LUZP2: variants seen among roughly 807,000 people sequenced by gnomAD.
LUZP2 encodes the protein leucine zipper protein 2.
LUZP2 carries 52 observed loss-of-function variants against 51.6 expected under a neutral mutation model. The ratio of observed to expected loss-of-function variants is 1.01; its 90% CI spans 0.81 to 1.27. The LOEUF is 1.27. LUZP2 is among the 50% of genes most tolerant of loss of function. The pLI is 0.00. For synonymous variants in LUZP2, 154 were observed against 137.3 expected (o/e 1.12, Z -0.85); for missense variants, 436 against 395.4 (o/e 1.10, Z -0.87).
In LUZP2 at chr11:24,742,452, A is replaced by C. The variant is rs1052145550; in HGVS notation, c.333+4150A>C. On this transcript the variant is annotated intron_variant, in intron 4 of 11. Coordinates refer to ENST00000336930, the MANE Select transcript of LUZP2 (RefSeq NM_001009909.4). ...TTGATTTGCATTTCCCTGATCATTA[A>C]TGATATTGAGCATTTTTTCATATGT... Among the ~76,000 whole-genome samples, 57 of 151,964 alleles carry C rather than the reference A, an allele frequency of 3.8e-4. 1 individual carries two copies. The highest frequency in any genetic ancestry group is 2.2e-4 in the Non-Finnish European group (15 of 67,930).
At chr11:24,967,669 G>A (rs1432700640) in intron 7 of LUZP2, among the ~76,000 whole-genome samples, 2 of 151,158 alleles carry the variant, frequency 1.3e-5, no homozygotes, top group African/African-American at 2.4e-5. Context: ...TTTTTTTAAT[G>A]TGCATCCAAT....
intron 1 of LUZP2, among the ~76,000 whole-genome samples, chr11:24,600,758 GA>G (rs1479771080): frequency 6.6e-6 from 1 of 151,840 alleles, no homozygotes; most frequent in East Asian, 1.9e-4. Context: ...GTAAGCACAG[GA>G]AAAAAGAGAA....
At chr11:25,059,077 G>A (rs1267119876) in intron 10 of LUZP2, among the ~76,000 whole-genome samples, 1 of 152,036 alleles carries the variant, frequency 6.6e-6, no homozygotes, top group Non-Finnish European at 1.5e-5. Flanking sequence ...GAATGAACTG[G>A]ATTTTTGTAT....
At chr11:24,540,042 T>C (rs1590156307) in intron 1 of LUZP2, among the ~76,000 whole-genome samples, 1 of 152,054 alleles carries the variant, frequency 6.6e-6, no homozygotes, top group African/African-American at 2.4e-5. Context: ...GTGATGTGTA[T>C]GAAAAATTTA....
At chr11:24,661,499 C>G (rs1299046810) in intron 1 of LUZP2, among the ~76,000 whole-genome samples, 1 of 152,164 alleles carries the variant, frequency 6.6e-6, no homozygotes, top group Non-Finnish European at 1.5e-5. Context: ...AGATGTTGCA[C>G]TTGCACAGCT....
At chr11:24,498,271 A>G (rs1446108135) in intron 1 of LUZP2, among the ~76,000 whole-genome samples, 1 of 152,244 alleles carries the variant, frequency 6.6e-6, no homozygotes, top group Admixed American at 6.5e-5. Context: ...GTCTACGTGA[A>G]TAGAAACATT....
chr11:24,940,464 C>G (rs1393126480), intron 7 of LUZP2, among the ~76,000 whole-genome samples: 4 of 152,066 alleles, frequency 2.6e-5, no homozygotes, highest in African/African-American at 9.7e-5. Flanking sequence ...GATTCTGGAT[C>G]CAAGCCTGCT....
At chr11:24,616,053 T>G (rs911052487) in intron 1 of LUZP2, among the ~76,000 whole-genome samples, 1 of 151,782 alleles carries the variant, frequency 6.6e-6, no homozygotes, top group Non-Finnish European at 1.5e-5. Context: ...GAGAGCTCTT[T>G]ATATACTCTT....
rs571403295 is a variant in LUZP2, at chr11:24,917,466, A to T, written c.522+2928A>T. Among the ~76,000 whole-genome samples the T allele has an allele frequency of 2.3e-3, 343 of 152,254 alleles. 3 individuals are homozygous for T. The highest frequency in any genetic ancestry group is 8.0e-3 in the African/African-American group (331 of 41,544). On this transcript the variant is annotated intron_variant, in intron 7 of 11. Transcript: ENST00000336930. Reference sequence around the variant, plus strand: ...TTTCTTCTAGGATTTTTATGGTTTTAGGTCTAACATGTAAGTCTTTAATCC... The same window carrying T: ...TTTCTTCTAGGATTTTTATGGTTTTTGGTCTAACATGTAAGTCTTTAATCC...
At chr11:24,946,183 A>T (rs1467489105) in intron 7 of LUZP2, among the ~76,000 whole-genome samples, 1 of 151,996 alleles carries the variant, frequency 6.6e-6, no homozygotes, top group African/African-American at 2.4e-5. Context: ...CATTGGGTGG[A>T]TGTACACATC....
At chr11:24,789,060 A>G (rs1849331857) in intron 5 of LUZP2, among the ~76,000 whole-genome samples, 1 of 152,334 alleles carries the variant, frequency 6.6e-6, no homozygotes, top group Non-Finnish European at 1.5e-5. Flanking sequence ...TCAAGAAAAC[A>G]GAAGGCTTCC....
At chr11:25,024,172 CA>C (rs1857417864) in intron 9 of LUZP2, among the ~76,000 whole-genome samples, 1 of 152,088 alleles carries the variant, frequency 6.6e-6, no homozygotes, top group African/African-American at 2.4e-5. Context: ...GAGCTGAGTT[CA>C]ATTCCTGGAT....
At chr11:24,685,091 G>A (rs1856859392) in intron 1 of LUZP2, among the ~76,000 whole-genome samples, 1 of 151,830 alleles carries the variant, frequency 6.6e-6, no homozygotes, top group Admixed American at 6.6e-5. Context: ...TTCTCTATGG[G>A]AGAGAGTTGT....
At chr11:24,930,833 A>G (rs1854422756) in intron 7 of LUZP2, among the ~76,000 whole-genome samples, 1 of 152,110 alleles carries the variant, frequency 6.6e-6, no homozygotes, top group Admixed American at 6.6e-5. Flanking sequence ...AAACTTATAG[A>G]TTTCTTTTCT....
At chr11:24,856,557 T>C (rs1479729534) in intron 5 of LUZP2, among the ~76,000 whole-genome samples, 1 of 152,114 alleles carries the variant, frequency 6.6e-6, no homozygotes, top group Non-Finnish European at 1.5e-5. Flanking sequence ...TATCATTCGA[T>C]CCAGGTACAC....
chr11:24,606,080 G>A (rs1853907226), intron 1 of LUZP2, among the ~76,000 whole-genome samples: 1 of 151,456 alleles, frequency 6.6e-6, no homozygotes, highest in African/African-American at 2.4e-5. Context: ...GCACATATAG[G>A]TATATTTGTA....
At chr11:24,568,923 A>G (rs1263672072) in intron 1 of LUZP2, among the ~76,000 whole-genome samples, 1 of 152,078 alleles carries the variant, frequency 6.6e-6, no homozygotes. Context: ...AATGACAGCC[A>G]TAATTAGAAT....
At chr11:24,829,306 A>T (rs1023748769) in intron 5 of LUZP2, among the ~76,000 whole-genome samples, 2 of 152,196 alleles carry the variant, frequency 1.3e-5, no homozygotes, top group Non-Finnish European at 2.9e-5. Flanking sequence ...AAATGAAGTC[A>T]GAAGAGAAGT....
At chr11:24,983,676 T>G (rs1300394443) in intron 9 of LUZP2, among the ~76,000 whole-genome samples, 2 of 151,712 alleles carry the variant, frequency 1.3e-5, no homozygotes, top group African/African-American at 4.8e-5. Context: ...AATCATTTTT[T>G]TTTTCTTAAG....
Sources: gnomAD v4.1 joint callset for allele counts (sites outside exome capture counted in the v4.1 genomes callset) on GRCh38, gnomAD v4.1.1 for gene constraint, MANE v1.5 for transcripts, NCBI Gene and HGNC (gene_info 2026-07-23, HGNC 2026-07-21) for gene names.